The following BCAS3 variants were observed in gnomAD, a reference collection of about 807,000 sequenced individuals.
BCAS3 encodes the protein BCAS4/BCAS3 fusion.
Under a neutral mutation model 116.1 loss-of-function variants are expected in BCAS3, and 53 were observed. The ratio of observed to expected loss-of-function variants is 0.46; its 90% CI spans 0.37 to 0.57. BCAS3 has a LOEUF of 0.57. BCAS3 is among the 20% of genes least tolerant of loss of function. The pLI, the probability that BCAS3 is intolerant of heterozygous loss-of-function variation, is 0.00. For synonymous variants in BCAS3, 391 were observed against 408.2 expected (o/e 0.96, Z 0.51); for missense variants, 917 against 1,165.4 (o/e 0.79, Z 3.10).
At chr17:61,165,494 C>CATGT (rs1209470549) in intron 22 of BCAS3, among the ~76,000 whole-genome samples, 1 of 152,136 alleles carries the variant, frequency 6.6e-6, no homozygotes, top group Non-Finnish European at 1.5e-5. Context: ...GGTTGGTAGC[C>CATGT]TGACCAACAT....
intron 6 of BCAS3, among the ~76,000 whole-genome samples, chr17:60,754,505 A>G (rs1189033053): frequency 1.3e-5 from 2 of 152,150 alleles, no homozygotes; most frequent in African/African-American, 4.8e-5. Flanking sequence ...CCAAAGTACA[A>G]GGACTACAGG....
intron 22 of BCAS3, among the ~76,000 whole-genome samples, chr17:61,197,398 T>C (rs1285639149): frequency 6.6e-6 from 1 of 152,224 alleles, no homozygotes; most frequent in Non-Finnish European, 1.5e-5. Context: ...GATGAGCTCA[T>C]GATATCAGAA....
intron 18 of BCAS3, among the ~76,000 whole-genome samples, chr17:61,038,997 T>C (rs766320484): frequency 1.2e-4 from 18 of 152,234 alleles, no homozygotes; most frequent in Non-Finnish European, 2.5e-4. Flanking sequence ...TACAATAAAA[T>C]TAACCCATTA....
intron 13 of BCAS3, among the ~76,000 whole-genome samples, chr17:60,929,652 CT>C (rs925791590): frequency 4.0e-4 from 60 of 150,912 alleles, no homozygotes; most frequent in African/African-American, 1.4e-3. Context: ...ATGTGCCATG[CT>C]GGTGTGCTGC....
In BCAS3 at chr17:61,335,196, C is replaced by A. The variant is rs758564296; in HGVS notation, c.2426-33131C>A. On this transcript the variant is annotated intron_variant, in intron 22 of 23. Coordinates refer to ENST00000407086, the MANE Select transcript of BCAS3 (RefSeq NM_017679.5). ...TAGGCAAGTCTGCTTCCACTAAAGTCCGCAGGCCTTGTGTGTGCTCTGTAC... is the reference window on the plus strand; with the variant it reads ...TAGGCAAGTCTGCTTCCACTAAAGTACGCAGGCCTTGTGTGTGCTCTGTAC... 6.6e-5 allele frequency among the ~76,000 whole-genome samples: 10 copies of A among 152,348 alleles called. No individual in the cohort carries two copies. In the Middle Eastern group the frequency reaches 0.01, roughly 155 times the overall value.
intron 7 of BCAS3, among the ~76,000 whole-genome samples, chr17:60,831,141 T>A (rs1300109946): frequency 2.0e-5 from 3 of 151,886 alleles, no homozygotes; most frequent in Non-Finnish European, 4.4e-5. Context: ...CATGAGCCAC[T>A]GCATCTGGCC....
At chr17:60,679,867 A>G (rs2032722138) in intron 2 of BCAS3, among the ~76,000 whole-genome samples, 1 of 152,132 alleles carries the variant, frequency 6.6e-6, no homozygotes, top group East Asian at 1.9e-4. Flanking sequence ...GGCCGGGCGC[A>G]GTGGCTCATG....
At chr17:60,971,937 T>G (rs1338574681) in intron 14 of BCAS3, among the ~76,000 whole-genome samples, 1 of 152,090 alleles carries the variant, frequency 6.6e-6, no homozygotes, top group Non-Finnish European at 1.5e-5. Flanking sequence ...AAAAAGGGAG[T>G]GTACTTGGTG....
intron 9 of BCAS3, among the ~76,000 whole-genome samples, chr17:60,877,827 C>T (rs1450556586): frequency 6.6e-6 from 1 of 152,096 alleles, no homozygotes; most frequent in East Asian, 1.9e-4. Context: ...TACTGGCTGT[C>T]ATGGGTTGGG....
chr17:60,799,228 T>C (rs1482286758), intron 6 of BCAS3, among the ~76,000 whole-genome samples: 1 of 152,184 alleles, frequency 6.6e-6, no homozygotes, highest in Non-Finnish European at 1.5e-5. Flanking sequence ...CTTTATTCTG[T>C]CTTCCATTAA....
chr17:61,337,103 A>G lies in BCAS3; in HGVS notation c.2426-31224A>G, dbSNP rs2056783973. ...ACTCCAGCCTGGGTGACAGAGCAAG[A>G]CTCCATCTCAAAAAAAAACAACAAC... On this transcript the variant is annotated intron_variant, in intron 22 of 23. Transcript: ENST00000407086. The surrounding 1 kb of genome is among the most constrained non-coding windows in gnomAD (Gnocchi z 4.8). Among the ~76,000 whole-genome samples, 1 of 149,114 alleles carries G rather than the reference A, an allele frequency of 6.7e-6. No homozygotes were observed. The highest frequency in any genetic ancestry group is 1.5e-5 in the Non-Finnish European group (1 of 67,566).
At position 61,380,364 on chromosome 17, in the gene BCAS3, G is replaced by A. The variant is rs544045244; in HGVS notation, c.2594-11613G>A. The A allele has an allele frequency of 3.2e-5, 23 of 713,298 alleles. No homozygotes were observed. In the East Asian group the frequency reaches 4.1e-4, roughly 13 times the overall value. The allele number at this position is 713,298 out of a possible 1,614,324, so 44.2% of individuals were successfully genotyped here. On this transcript the variant is annotated intron_variant, in intron 23 of 23. Coordinates refer to ENST00000407086, the MANE Select transcript of BCAS3 (RefSeq NM_017679.5). The surrounding 1 kb of genome is among the most constrained non-coding windows in gnomAD (Gnocchi z 4.2). Reference sequence around the variant, plus strand: ...AAAACCCTAGATGTGCTGTGCCTGGGAACAGACCATGAACACCCCCGCAAA... The same window carrying A: ...AAAACCCTAGATGTGCTGTGCCTGGAAACAGACCATGAACACCCCCGCAAA...
chr17:61,239,472 T>C lies in BCAS3; in HGVS notation c.2426-128855T>C, dbSNP rs1016460599. Among the ~76,000 whole-genome samples, 6 of 152,234 alleles carry C rather than the reference T, an allele frequency of 3.9e-5. No homozygotes were observed. The highest frequency in any genetic ancestry group is 3.3e-4 in the Admixed American group (5 of 15,286). On this transcript the variant is annotated intron_variant, in intron 22 of 23. Transcript: ENST00000407086. The surrounding 1 kb of genome is among the most constrained non-coding windows in gnomAD (Gnocchi z 4.2). Reference sequence around the variant, plus strand: ...CTTTGTGAACGCTTTCTGTAACTTATGAAGCTTTTGGAAATTTGGTCTAGT... The same window carrying C: ...CTTTGTGAACGCTTTCTGTAACTTACGAAGCTTTTGGAAATTTGGTCTAGT...
chr17:60,892,312 ATT>A (rs146241613), intron 10 of BCAS3, among the ~76,000 whole-genome samples: 119 of 126,756 alleles, frequency 9.4e-4, no homozygotes, highest in Middle Eastern at 4.3e-3. Flanking sequence ...TTTTTGACTT[ATT>A]TTTTTTTTTT....
chr17:61,141,723 A>G lies in BCAS3; in HGVS notation c.2425+57159A>G, dbSNP rs1372143492. Among the ~76,000 whole-genome samples, 1 of 151,678 alleles carries G rather than the reference A, an allele frequency of 6.6e-6. No homozygotes were observed. Among genetic ancestry groups the G allele is most frequent in the Non-Finnish European group, 1.5e-5 (1 of 67,908 alleles). On this transcript the variant is annotated intron_variant, in intron 22 of 23. Transcript: ENST00000407086. The surrounding 1 kb of genome is among the most constrained non-coding windows in gnomAD (Gnocchi z 4.3). Reference sequence around the variant, plus strand: ...CAAGACCATCCCGGCCAACATGATGAAACCCCACCTCTACTAAAAATACAA... The same window carrying G: ...CAAGACCATCCCGGCCAACATGATGGAACCCCACCTCTACTAAAAATACAA...
chr17:60,875,957 A>G (rs1214090366), intron 9 of BCAS3, among the ~76,000 whole-genome samples: 2 of 152,012 alleles, frequency 1.3e-5, no homozygotes, highest in African/African-American at 4.8e-5. Flanking sequence ...AATTATTTTG[A>G]AGCATATTGC....
intron 6 of BCAS3, among the ~76,000 whole-genome samples, chr17:60,784,197 A>C (rs2046076220): frequency 6.6e-6 from 1 of 151,632 alleles, no homozygotes; most frequent in Admixed American, 6.6e-5. Context: ...GGGAATACGC[A>C]GGAAAGAAAG....
At chr17:60,762,152 C>T (rs144923220) in intron 6 of BCAS3, among the ~76,000 whole-genome samples, 27,240 of 152,012 alleles carry the variant, frequency 0.18, 3,747 homozygotes, top group African/African-American at 0.39. Context: ...TGTAGGTTGC[C>T]TGTTCACTCT....
chr17:61,310,141 T>C (rs1369405184), intron 22 of BCAS3, among the ~76,000 whole-genome samples: 2 of 152,236 alleles, frequency 1.3e-5, no homozygotes, highest in Non-Finnish European at 2.9e-5. Context: ...CGATCCCTTC[T>C]TTCTCCCTGC....
Sources: allele counts gnomAD v4.1 joint callset (sites outside exome capture counted in the v4.1 genomes callset), GRCh38; gene constraint gnomAD v4.1.1; non-coding constraint Gnocchi (gnomAD v3.1); transcripts MANE v1.5; gene names NCBI Gene and HGNC (gene_info 2026-07-23, HGNC 2026-07-21).